Variants in CDHR3 observed in about 807,000 individuals in gnomAD.
The protein encoded by CDHR3 is cadherin related family member 3, also known as cadherin-related family member 3.
In CDHR3, 79 loss-of-function variants were observed where a neutral mutation model predicts 86.6. The ratio of observed to expected loss-of-function variants is 0.91; its 90% CI spans 0.76 to 1.10. The LOEUF (loss-of-function observed/expected upper bound fraction) is 1.10. Ranked by LOEUF, CDHR3 falls within the 50% of genes least tolerant of loss-of-function variation. The probability of loss-of-function intolerance (pLI) is 0.00; values close to 1 mark genes in which losing one functional copy is unlikely to be tolerated. For synonymous variants in CDHR3, 421 were observed against 402.4 expected (o/e 1.05, Z -0.55); for missense variants, 1,081 against 1,077.6 (o/e 1.00, Z -0.04).
chr7:105,974,818 C>T, intron 1 of CDHR3, 26 bp from the exon 2 acceptor site: 2 of 1,592,120 alleles, frequency 1.3e-6, no homozygotes, highest in Non-Finnish European at 8.6e-7. Flanking sequence ...GTGTTCATGT[C>T]ATCCTGCACC....
In CDHR3 at chr7:105,980,593, T is replaced by G. The variant is rs867807089; in HGVS notation, c.250-375T>G. 2.3e-3 allele frequency among the ~76,000 whole-genome samples: 226 copies of G among 98,574 alleles called. 5 individuals are homozygous for G. Among genetic ancestry groups the G allele is most frequent in the African/African-American group, 8.0e-3 (213 of 26,600 alleles). The allele number at this position is 98,574 out of a possible 152,430, so 64.7% of individuals were successfully genotyped here. On this transcript the variant is annotated intron_variant, in intron 2 of 18. Transcript: ENST00000317716. ...CCCCCAAGTAGTGGAAGGTTTTTTTTTTTTTTTTTTTTAATTTTTTTTTTT... is the reference window on the plus strand; with the variant it reads ...CCCCCAAGTAGTGGAAGGTTTTTTTGTTTTTTTTTTTTAATTTTTTTTTTT...
chr7:106,000,839 C>T (rs1336041882), intron 6 of CDHR3, among the ~76,000 whole-genome samples: 6 of 141,250 alleles, frequency 4.2e-5, no homozygotes, highest in Non-Finnish European at 9.0e-5. Context: ...GAGCTGACCT[C>T]ATGATTAATG....
intron 4 of CDHR3, among the ~76,000 whole-genome samples, chr7:105,994,210 T>A (rs1255302188): frequency 6.7e-6 from 1 of 149,314 alleles, no homozygotes; most frequent in African/African-American, 2.6e-5. Flanking sequence ...TATAGTCCTA[T>A]TACCTAGTGG....
rs946092313 is a variant in CDHR3, at chr7:105,996,196, T to C, written c.609-54T>C. On this transcript the variant is annotated intron_variant, in intron 5 of 18. Coordinates refer to ENST00000317716, the MANE Select transcript of CDHR3 (RefSeq NM_152750.5). ...ACCCCATGATTTTCCCCATCCTATTTTGAAGTAGTGCCAGCAAAGCTTGAT... is the reference window on the plus strand; with the variant it reads ...ACCCCATGATTTTCCCCATCCTATTCTGAAGTAGTGCCAGCAAAGCTTGAT... 3.3e-5 allele frequency: 32 copies of C among 972,268 alleles called. No individual in the cohort carries two copies. In the Admixed American group the frequency reaches 3.9e-4, roughly 12 times the overall value. 60.2% of individuals were successfully genotyped at this position (972,268 alleles called of 1,614,324 possible). A position where few individuals can be genotyped will look rare whatever the true frequency, so the allele number is the denominator to read the frequency against.
At chr7:106,015,302 T>TC (rs1261666134) in intron 10 of CDHR3, 89 bp downstream of exon 10, 12 of 1,148,768 alleles carry the variant, frequency 1.0e-5, no homozygotes, top group South Asian at 8.2e-5. Context: ...TTGTGCTAGG[T>TC]CCCCCTTCTC....
intron 7 of CDHR3, among the ~76,000 whole-genome samples, chr7:106,003,683 A>G (rs1229251874): frequency 1.3e-5 from 2 of 152,120 alleles, no homozygotes; most frequent in Non-Finnish European, 2.9e-5. Flanking sequence ...TGCATCACCA[A>G]AAAGGACGTC....
At chr7:105,992,850 T>C (rs1356144366) in intron 4 of CDHR3, among the ~76,000 whole-genome samples, 5 of 152,244 alleles carry the variant, frequency 3.3e-5, no homozygotes, top group Non-Finnish European at 7.3e-5. Context: ...TTTTTTATAC[T>C]TTTCTGTCTT....
chr7:105,965,567 A>ACCCCCCCCCCCCCC (rs56177648), intron 1 of CDHR3, among the ~76,000 whole-genome samples: 5 of 78,192 alleles, frequency 6.4e-5, no homozygotes, highest in Non-Finnish European at 8.1e-5. Flanking sequence ...CTCAAGCCCC[A>ACCCCCCCCCCCCCC]CCCCCCCCCA....
intron 1 of CDHR3, 34 bp downstream of exon 1, chr7:105,963,398 G>A: frequency 6.2e-7 from 1 of 1,607,044 alleles, no homozygotes; most frequent in South Asian, 1.1e-5. Context: ...AACCTTGCTT[G>A]CCTACTTGGT....
At chr7:105,975,101 T>G in intron 2 of CDHR3, 55 bp downstream of exon 2, 2 of 1,367,206 alleles carry the variant, frequency 1.5e-6, no homozygotes, top group Non-Finnish European at 2.1e-6. Flanking sequence ...ATCCTGAAAA[T>G]GAGGGTGGAT....
At chr7:105,976,514 G>C (rs1828831493) in intron 2 of CDHR3, among the ~76,000 whole-genome samples, 1 of 152,232 alleles carries the variant, frequency 6.6e-6, no homozygotes, top group South Asian at 2.1e-4. Flanking sequence ...GTAGTTTTTA[G>C]TATATTCACA....
chr7:106,030,818 T>C lies in CDHR3; in HGVS notation c.2331T>C (p.Phe777=), dbSNP rs776467976. ...AAACTATCCAGATGAACACTATCTT[T>C]GATGGAGAAGCCATAGATCCAGGTA... The part of the protein sequence containing the change: ...VVETIQMNTI[F]DGEAIDPVTG... The change falls in exon 18 of 19, where the codon TTT becomes TTC. Residue 777 remains phenylalanine (F), a synonymous_variant. Transcript: ENST00000317716. This position sits in a 1 kb window ranked among gnomAD's most constrained non-coding sequence, Gnocchi z 4.8. 12 of 1,611,486 alleles carry C rather than the reference T, an allele frequency of 7.4e-6. No homozygotes were observed. The South Asian group carries it at 8.9e-5, about 12-fold the overall frequency.
intron 11 of CDHR3, 93 bp downstream of exon 11, chr7:106,016,118 T>TCGCATGCTG: frequency 2.7e-6 from 2 of 749,180 alleles, no homozygotes; most frequent in Admixed American, 4.6e-5. Flanking sequence ...TCTGGAGGCC[T>TCGCATGCTG]CGCATGCTGT....
chr7:105,991,038 G>A (rs944748266), intron 4 of CDHR3, among the ~76,000 whole-genome samples: 1 of 152,206 alleles, frequency 6.6e-6, no homozygotes, highest in East Asian at 1.9e-4. Flanking sequence ...ATTCCCAGCA[G>A]GAAAACCAGA....
chr7:105,975,846 C>A (rs1291497771), intron 2 of CDHR3, among the ~76,000 whole-genome samples: 1 of 152,202 alleles, frequency 6.6e-6, no homozygotes, highest in Non-Finnish European at 1.5e-5. Context: ...CCTGCCATTC[C>A]TCTGGGTCCT....
chr7:106,027,375 C>T lies in CDHR3; in HGVS notation c.2272+680C>T, dbSNP rs150336934. Among the ~76,000 whole-genome samples, 12 of 147,316 alleles carry T rather than the reference C, an allele frequency of 8.1e-5. No individual in the cohort carries two copies. The South Asian group carries it at 1.3e-3, about 16-fold the overall frequency. On this transcript the variant is annotated intron_variant, in intron 16 of 18. Coordinates refer to ENST00000317716, the MANE Select transcript of CDHR3 (RefSeq NM_152750.5). Reference sequence around the variant, plus strand: ...TCACGCCACTGCACTCCAGACTGGGCGACATAGTGAGACTCTGTCTCAAAA... The same window carrying T: ...TCACGCCACTGCACTCCAGACTGGGTGACATAGTGAGACTCTGTCTCAAAA...
At chr7:106,028,637 C>A (rs553677132) in intron 17 of CDHR3, 55 bp downstream of exon 17, 4 of 1,598,902 alleles carry the variant, frequency 2.5e-6, no homozygotes, top group South Asian at 2.2e-5. Context: ...TAGGGGCTCC[C>A]GTCTCCCCCG....
chr7:106,007,792 T>A (rs1486382403), intron 8 of CDHR3, among the ~76,000 whole-genome samples: 2 of 152,218 alleles, frequency 1.3e-5, no homozygotes, highest in Non-Finnish European at 2.9e-5. Context: ...TGTTACCCAG[T>A]TCCAAAGTTG....
At chr7:105,972,314 G>A (rs755031883) in intron 1 of CDHR3, among the ~76,000 whole-genome samples, 31 of 152,128 alleles carry the variant, frequency 2.0e-4, no homozygotes, top group Non-Finnish European at 3.7e-4. Context: ...TAGTCTATTC[G>A]TTTGGGCTAG....
Sources: gnomAD v4.1 joint callset for allele counts (sites outside exome capture counted in the v4.1 genomes callset) on GRCh38, gnomAD v4.1.1 for gene constraint, Gnocchi (gnomAD v3.1) non-coding constraint, MANE v1.5 for transcripts, NCBI Gene and HGNC (gene_info 2026-07-23, HGNC 2026-07-21) for gene names.